HDAC4: variants seen among roughly 807,000 people sequenced by gnomAD.
HDAC4 encodes histone deacetylase 4.
In HDAC4, 16 loss-of-function variants were observed where a neutral mutation model predicts 135.1. The observed-to-expected ratio is 0.12, with a 90% CI of 0.08 to 0.18. HDAC4 has a LOEUF of 0.18. HDAC4 is among the 10% of genes least tolerant of loss of function. HDAC4 has a pLI of 1.00. For missense variants in HDAC4, 1,143 were observed against 1,511.8 expected, an observed-to-expected ratio of 0.76 and a Z score of 4.05; for synonymous variants, 685 against 653.4, an observed-to-expected ratio of 1.05 and a Z score of -0.74.
chr2:239,096,914 T>C (rs564558661), intron 16 of HDAC4, among the ~76,000 whole-genome samples: 371 of 151,996 alleles, frequency 2.4e-3, no homozygotes, highest in African/African-American at 8.5e-3. Flanking sequence ...GGCCCGGGGC[T>C]GGGGAGCTGC....
chr2:239,113,956 C>A (rs757036932), intron 13 of HDAC4, among the ~76,000 whole-genome samples: 9 of 152,118 alleles, frequency 5.9e-5, no homozygotes, highest in Non-Finnish European at 1.2e-4. Context: ...GAAATAGCAC[C>A]CAATGCCAGC....
Position 239,146,781 on chromosome 2 carries a change from C to G in HDAC4, c.734-2067G>C, listed in dbSNP as rs2041795203. Among the ~76,000 whole-genome samples the G allele has an allele frequency of 6.6e-6, 1 of 151,240 alleles. No homozygotes were observed. The highest frequency in any genetic ancestry group is 1.5e-5 in the Non-Finnish European group (1 of 67,888). On this transcript the variant is annotated intron_variant, in intron 7 of 26. Transcript: ENST00000543185. This position sits in a 1 kb window ranked among gnomAD's most constrained non-coding sequence, Gnocchi z 4.5. ...CTCCCAAGGCTGCCCTGACCCCCCACAGCCCCACTGCCCCCATCACAGCCC... is the reference window on the plus strand; with the variant it reads ...CTCCCAAGGCTGCCCTGACCCCCCAGAGCCCCACTGCCCCCATCACAGCCC...
chr2:239,113,068 AC>A (rs1471309263), intron 13 of HDAC4, among the ~76,000 whole-genome samples: 1 of 152,186 alleles, frequency 6.6e-6, no homozygotes, highest in Non-Finnish European at 1.5e-5. Flanking sequence ...CTCCAAAAAA[AC>A]AAACAAACAA....
At chr2:239,122,422 G>A (rs115809317) in intron 12 of HDAC4, among the ~76,000 whole-genome samples, 23 of 152,342 alleles carry the variant, frequency 1.5e-4, no homozygotes, top group African/African-American at 4.8e-4. Flanking sequence ...CGTGGCCAGC[G>A]AACACGGAGG....
chr2:239,136,654 G>C (rs956016944), intron 9 of HDAC4, among the ~76,000 whole-genome samples: 5 of 152,236 alleles, frequency 3.3e-5, no homozygotes, highest in Admixed American at 6.5e-5. Flanking sequence ...CAAGGGAGCA[G>C]TATCCAGAAC....
chr2:239,070,154 T>G (rs2034024931), intron 22 of HDAC4, among the ~76,000 whole-genome samples: 1 of 152,108 alleles, frequency 6.6e-6, no homozygotes, highest in African/African-American at 2.4e-5. Flanking sequence ...TGGGACTGAG[T>G]GTGGCCGAGA....
At chr2:239,216,561 T>G (rs889984237) in intron 3 of HDAC4, among the ~76,000 whole-genome samples, 2 of 152,238 alleles carry the variant, frequency 1.3e-5, no homozygotes, top group African/African-American at 4.8e-5. Flanking sequence ...AACTGAGTTT[T>G]TAATTTTATG....
intron 20 of HDAC4, among the ~76,000 whole-genome samples, chr2:239,083,225 G>C (rs2035530554): frequency 6.6e-6 from 1 of 152,252 alleles, no homozygotes; most frequent in Non-Finnish European, 1.5e-5. Flanking sequence ...GCGTGTCCTA[G>C]CGCTTCACTC....
At chr2:239,337,025 TG>T (rs1691984611) in intron 2 of HDAC4, among the ~76,000 whole-genome samples, 1 of 152,310 alleles carries the variant, frequency 6.6e-6, no homozygotes, top group South Asian at 2.1e-4. Context: ...GGGTGTCTAC[TG>T]GAATTTGTCT....
intron 2 of HDAC4, among the ~76,000 whole-genome samples, chr2:239,241,835 A>G (rs891284089): frequency 2.6e-5 from 4 of 152,180 alleles, no homozygotes; most frequent in Non-Finnish European, 5.9e-5. Context: ...GATGGGCAAC[A>G]TTAGTTCCCT....
At chr2:239,206,500 A>G (rs1340887515) in intron 3 of HDAC4, among the ~76,000 whole-genome samples, 1 of 152,106 alleles carries the variant, frequency 6.6e-6, no homozygotes, top group African/African-American at 2.4e-5. Flanking sequence ...CTTGAATCTG[A>G]TCAAACCTCT....
intron 11 of HDAC4, among the ~76,000 whole-genome samples, chr2:239,128,328 A>G (rs2040336846): frequency 1.3e-5 from 2 of 152,024 alleles, no homozygotes; most frequent in Admixed American, 1.3e-4. Context: ...GGATCACCTG[A>G]GGTCAGACTG....
chr2:239,356,710 C>T (rs1195966522), intron 1 of HDAC4, among the ~76,000 whole-genome samples: 1 of 152,232 alleles, frequency 6.6e-6, no homozygotes, highest in Admixed American at 6.5e-5. Flanking sequence ...AGTGGGCACA[C>T]AGTCCTAAAC....
At chr2:239,063,962 G>C (rs1354328077) in intron 24 of HDAC4, among the ~76,000 whole-genome samples, 1 of 152,198 alleles carries the variant, frequency 6.6e-6, no homozygotes, top group African/African-American at 2.4e-5. Context: ...CAGCGGCTGC[G>C]CATGGTCACC....
At chr2:239,123,497 G>A (rs1015968666) in intron 12 of HDAC4, among the ~76,000 whole-genome samples, 3 of 152,248 alleles carry the variant, frequency 2.0e-5, no homozygotes, top group Admixed American at 6.5e-5. Context: ...TGCCACCCTG[G>A]AGCAAGGCCC....
chr2:239,113,856 G>C (rs191814775), intron 13 of HDAC4, among the ~76,000 whole-genome samples: 88 of 152,146 alleles, frequency 5.8e-4, no homozygotes, highest in African/African-American at 1.9e-3. Context: ...CCAAGCGTTA[G>C]TTCTGCTGGG....
At chr2:239,149,037 C>T (rs1178992667) in intron 7 of HDAC4, among the ~76,000 whole-genome samples, 4 of 152,296 alleles carry the variant, frequency 2.6e-5, no homozygotes, top group Non-Finnish European at 5.9e-5. Flanking sequence ...CAGTCAGGGA[C>T]GGCCGTTCTC....
At chr2:239,063,594 A>G (rs1485420086) in intron 24 of HDAC4, among the ~76,000 whole-genome samples, 2 of 152,070 alleles carry the variant, frequency 1.3e-5, no homozygotes, top group East Asian at 3.9e-4. Context: ...CAGGGGTTTC[A>G]GTGGGGCCCA....
chr2:239,286,563 A>G (rs1367025497), intron 2 of HDAC4, among the ~76,000 whole-genome samples: 1 of 152,186 alleles, frequency 6.6e-6, no homozygotes, highest in Non-Finnish European at 1.5e-5. Flanking sequence ...CTATGGAGCA[A>G]TATTTAAAGG....
Sources: allele counts gnomAD v4.1 joint callset (sites outside exome capture counted in the v4.1 genomes callset), GRCh38; gene constraint gnomAD v4.1.1; non-coding constraint Gnocchi (gnomAD v3.1); transcripts MANE v1.5; gene names NCBI Gene and HGNC (gene_info 2026-07-23, HGNC 2026-07-21).